The following UFD1 variants were observed in gnomAD, a reference collection of about 807,000 sequenced individuals.
UFD1 encodes the protein ubiquitin recognition factor in ER associated degradation 1.
Under a neutral mutation model 45.9 loss-of-function variants are expected in UFD1, and 13 were observed. The ratio of observed to expected loss-of-function variants is 0.28; its 90% CI spans 0.18 to 0.45. The LOEUF is 0.45. Among genes scored for constraint, UFD1 ranks in the 20% least tolerant of loss-of-function variants. The pLI is 1.00. For missense variants in UFD1, 218 were observed against 389.2 expected (o/e 0.56, Z 3.70); for synonymous variants, 128 against 139.2 (o/e 0.92, Z 0.56).
At chr22:19,469,050 G>C (rs1034159544) in intron 4 of UFD1, among the ~76,000 whole-genome samples, 1 of 152,156 alleles carries the variant, frequency 6.6e-6, no homozygotes, top group Admixed American at 6.5e-5. Context: ...GGCTTGCAGA[G>C]GACCCCATGC....
At chr22:19,463,609 T>G (rs775027229) in intron 6 of UFD1, among the ~76,000 whole-genome samples, 1 of 152,228 alleles carries the variant, frequency 6.6e-6, no homozygotes, top group African/African-American at 2.4e-5. Context: ...TTATTTCTCC[T>G]GAGACAATGA....
intron 1 of UFD1, 83 bp downstream of exon 1, chr22:19,479,000 T>TGCCCCCCCCC: frequency 6.8e-7 from 1 of 1,478,074 alleles, no homozygotes; most frequent in Non-Finnish European, 9.1e-7. Context: ...TCCGCCGCCG[T>TGCCCCCCCCC]CCCGCCCCGC....
intron 2 of UFD1, 49 bp downstream of exon 2, chr22:19,475,421 C>G (rs2089874334): frequency 6.2e-7 from 1 of 1,608,902 alleles, no homozygotes; most frequent in South Asian, 1.1e-5. Flanking sequence ...TACAGCATTG[C>G]AGACTTAGGG....
At chr22:19,467,847 G>A in intron 5 of UFD1, 26 bp downstream of exon 5, 2 of 1,612,988 alleles carry the variant, frequency 1.2e-6, no homozygotes, top group Non-Finnish European at 1.7e-6. Flanking sequence ...TTGTCTAGAA[G>A]AACTCCGCTT....
chr22:19,473,175 G>C (rs981221434), intron 3 of UFD1, among the ~76,000 whole-genome samples: 1 of 152,220 alleles, frequency 6.6e-6, no homozygotes, highest in African/African-American at 2.4e-5. Flanking sequence ...CTGGTCCACA[G>C]TAAACTGGAC....
chr22:19,475,546 G>A lies in UFD1; in HGVS notation c.60C>T (p.Ser20=). The change falls in exon 2 of 12, where the codon TCC becomes TCT. Residue 20 remains serine, a synonymous_variant. Coordinates refer to ENST00000263202, the MANE Select transcript of UFD1 (RefSeq NM_005659.7). ...PIPRVFQNRF[S]TQYRCFSVSM... is the part of the protein sequence containing the mutation. ...ACACAGAGAAGCAGCGGTACTGTGT[G>A]GAGAAGCGGTTTTGGAAGACCCTGG... is the stretch of plus-strand genomic sequence containing the variant. 1.9e-6 allele frequency: 3 copies of A among 1,614,196 alleles called. No homozygotes were observed. Among genetic ancestry groups the A allele is most frequent in the Non-Finnish European group, 2.5e-6 (3 of 1,180,024 alleles).
chr22:19,473,132 T>C (rs2089857822), intron 3 of UFD1, among the ~76,000 whole-genome samples: 2 of 152,142 alleles, frequency 1.3e-5, no homozygotes, highest in South Asian at 4.1e-4. Flanking sequence ...CCGGTCCACC[T>C]CTCAGCTGCA....
At chr22:19,457,726 G>A (rs997454909) in intron 7 of UFD1, among the ~76,000 whole-genome samples, 10 of 152,018 alleles carry the variant, frequency 6.6e-5, no homozygotes, top group African/African-American at 9.7e-5. Flanking sequence ...CAGGAGAATC[G>A]CTTGAACCTG....
intron 11 of UFD1, 165 bp downstream of exon 11, chr22:19,454,584 T>C: frequency 7.0e-7 from 1 of 1,428,408 alleles, no homozygotes; most frequent in Admixed American, 2.4e-5. Flanking sequence ...TGTAAGTCCA[T>C]TAAACCTCTT....
At position 19,450,406 on chromosome 22, in the gene UFD1, A is replaced by G; in HGVS notation, c.*264T>C. ...GCTGAGGCAGTGGGAGCTCCCCTCA[A>G]GCTGAAAGCGTGAAGAGGTGAGGAG... is the stretch of plus-strand genomic sequence containing the variant. On this transcript the variant is annotated 3_prime_UTR_variant, in exon 12 of 12. Coordinates refer to ENST00000263202, the MANE Select transcript of UFD1 (RefSeq NM_005659.7). 2.3e-6 allele frequency: 1 copy of G among 426,980 alleles called. No homozygotes were observed. The highest frequency in any genetic ancestry group is 4.0e-5 in the East Asian group (1 of 25,164). 26.4% of individuals were successfully genotyped at this position (426,980 alleles called of 1,614,324 possible).
intron 6 of UFD1, among the ~76,000 whole-genome samples, chr22:19,459,708 C>T (rs2089750859): frequency 7.1e-6 from 1 of 140,574 alleles, no homozygotes; most frequent in Non-Finnish European, 1.5e-5. Flanking sequence ...ATTTCAGGTT[C>T]TTTGCTTTTA....
At chr22:19,474,323 T>G (rs2089866153) in intron 3 of UFD1, among the ~76,000 whole-genome samples, 1 of 152,098 alleles carries the variant, frequency 6.6e-6, no homozygotes, top group African/African-American at 2.4e-5. Context: ...GGCAGGCAGG[T>G]CACCTGAGGT....
At position 19,479,122 on chromosome 22, in the gene UFD1, C is replaced by A. The variant is rs747645431; in HGVS notation, c.-37G>T. On this transcript the variant is annotated 5_prime_UTR_variant, in exon 1 of 12. Transcript: ENST00000263202. ...CCTGGCAGACTCCGCTCCTCTCAGG[C>A]AATGCAACGAAGAAACCCCGCCGAC... is the stretch of plus-strand genomic sequence containing the variant. The A allele has an allele frequency of 1.2e-6, 2 of 1,609,694 alleles. No homozygotes were observed. The highest frequency in any genetic ancestry group is 1.7e-6 in the Non-Finnish European group (2 of 1,178,654).
intron 6 of UFD1, among the ~76,000 whole-genome samples, chr22:19,458,343 C>T (rs779337218): frequency 2.0e-4 from 30 of 152,200 alleles, no homozygotes; most frequent in Non-Finnish European, 4.0e-4. Context: ...GATGCTGTTC[C>T]CCAGATATGG....
At chr22:19,476,880 G>A (rs1030187511) in intron 1 of UFD1, among the ~76,000 whole-genome samples, 4 of 151,294 alleles carry the variant, frequency 2.6e-5, no homozygotes, top group East Asian at 1.9e-4. Flanking sequence ...GGTGGTACAC[G>A]CCTGTAATCC....
chr22:19,453,594 G>A (rs1404068042), intron 11 of UFD1: 1 of 985,562 alleles, frequency 1.0e-6, no homozygotes, highest in East Asian at 1.1e-4. Flanking sequence ...AGCCTGGATG[G>A]TGCCTGAAGG....
chr22:19,461,016 A>G (rs943973008), intron 6 of UFD1, among the ~76,000 whole-genome samples: 1 of 152,158 alleles, frequency 6.6e-6, no homozygotes, highest in African/African-American at 2.4e-5. Context: ...TTGGCCTCCC[A>G]AAGTGCTGGG....
chr22:19,474,963 G>A, intron 3 of UFD1, 105 bp downstream of exon 3: 4 of 1,161,286 alleles, frequency 3.4e-6, no homozygotes, highest in Non-Finnish European at 4.9e-6. Flanking sequence ...ACAACCAGAT[G>A]CTGACAAAGG....
intron 5 of UFD1, chr22:19,465,886 TTAAAA>T (rs1305656080): frequency 6.6e-6 from 1 of 152,184 alleles, no homozygotes; most frequent in African/African-American, 2.4e-5. Context: ...TTAATAGAAA[TTAAAA>T]TAAAGAAACC....
Sources: allele counts gnomAD v4.1 joint callset (sites outside exome capture counted in the v4.1 genomes callset), GRCh38; gene constraint gnomAD v4.1.1; transcripts MANE v1.5; gene names NCBI Gene and HGNC (gene_info 2026-07-23, HGNC 2026-07-21).